Variants in MYO19 observed in about 807,000 individuals in gnomAD.
MYO19 encodes the protein myosin XIX.
MYO19 carries 132 observed loss-of-function variants against 129.2 expected under a neutral mutation model. The ratio of observed to expected loss-of-function variants is 1.02; its 90% confidence interval spans 0.89 to 1.18. MYO19 has a LOEUF of 1.18. Ranked by LOEUF, MYO19 falls within the 50% of genes most tolerant of loss-of-function variation. The pLI is 0.00. For synonymous variants in MYO19, 531 were observed against 477.2 expected, an observed-to-expected ratio of 1.11 and a Z score of -1.47; for missense variants, 1,210 against 1,216.7, an observed-to-expected ratio of 0.99 and a Z score of 0.08.
intron 15 of MYO19, 95 bp from the exon 16 acceptor site, chr17:36,507,607 C>A (rs879852673): frequency 2.9e-6 from 4 of 1,391,542 alleles, no homozygotes; most frequent in Non-Finnish European, 4.0e-6. Context: ...CAGCGTATTC[C>A]AGAACAGCAT....
intron 18 of MYO19, among the ~76,000 whole-genome samples, chr17:36,505,912 G>A (rs2071851545): frequency 6.6e-6 from 1 of 152,116 alleles, no homozygotes; most frequent in African/African-American, 2.4e-5. Flanking sequence ...AATCAAACCT[G>A]GTTTTCCAGG....
intron 16 of MYO19, 35 bp from the exon 17 acceptor site, chr17:36,507,174 T>C (rs2071967266): frequency 1.3e-6 from 2 of 1,580,676 alleles, no homozygotes; most frequent in South Asian, 2.3e-5. Context: ...GCCACCAACA[T>C]GAGAGTGTCT....
chr17:36,514,634 T>A, intron 8 of MYO19, 86 bp from the exon 9 acceptor site: 2 of 882,632 alleles, frequency 2.3e-6, no homozygotes, highest in Non-Finnish European at 3.7e-6. Context: ...GATTGCCTGC[T>A]ACCTGGCAAC....
chr17:36,509,011 G>T, intron 14 of MYO19, 51 bp downstream of exon 14: 1 of 1,529,880 alleles, frequency 6.5e-7, no homozygotes, highest in Non-Finnish European at 9.0e-7. Context: ...TCCATCCAGG[G>T]CTTTATTGCT....
rs1288900318 is a variant in MYO19, at chr17:36,528,135, A to G, written c.80T>C (p.Phe27Ser). 6.2e-7 allele frequency: 1 copy of G among 1,613,148 alleles called. No homozygotes were observed. Among genetic ancestry groups the G allele is most frequent in the East Asian group, 2.2e-5 (1 of 44,866 alleles). ...REYLREDLQE[F>S]LGGEVLLYKL... is the part of the protein sequence containing the mutation. ...GTACAGCAGGACCTCCCCACCCAGG[A>G]ACTCCTGCAGGTCTTCTCTGAGGTA... Residue 27 changes from phenylalanine (F) to serine (S), a missense_variant, in exon 4 of 26, where the codon TTC becomes TCC. Physicochemically the swap from Phe to Ser is radical, Grantham distance 155. Coordinates refer to ENST00000614623, the MANE Select transcript of MYO19 (RefSeq NM_001163735.2).
chr17:36,507,426 G>A lies in MYO19; in HGVS notation c.1440C>T (p.Pro480=), dbSNP rs768074735. ...QPCLDLIEGS[P]ISICSLINEE... is the part of the protein sequence containing the mutation. ...CATTTATGAGGGAGCAGATGCTGAT[G>A]GGGCTTCCCTCAATGAGATCCAAAC... The change falls in exon 16 of 26, where the codon CCC becomes CCT. Residue 480 remains proline, a synonymous_variant. Coordinates refer to ENST00000614623, the MANE Select transcript of MYO19 (RefSeq NM_001163735.2). 1.2e-6 allele frequency: 2 copies of A among 1,613,618 alleles called. No individual in the cohort carries two copies. The highest frequency in any genetic ancestry group is 1.7e-6 in the Non-Finnish European group (2 of 1,179,848).
chr17:36,525,154 C>T, intron 6 of MYO19, 74 bp downstream of exon 6: 1 of 1,122,356 alleles, frequency 8.9e-7, no homozygotes, highest in Non-Finnish European at 1.3e-6. Context: ...ACAAGGAAGG[C>T]CAAGGAATGA....
chr17:36,515,072 A>T, intron 8 of MYO19, 41 bp downstream of exon 8: 2 of 1,567,666 alleles, frequency 1.3e-6, no homozygotes, highest in Non-Finnish European at 1.7e-6. Flanking sequence ...CAACCTCCCC[A>T]GTCCCATCCT....
chr17:36,517,313 G>C (rs141607180), intron 6 of MYO19, among the ~76,000 whole-genome samples: 16 of 152,300 alleles, frequency 1.1e-4, no homozygotes, highest in African/African-American at 3.6e-4. Flanking sequence ...AGGATGGAGT[G>C]CAGTGGCACG....
At chr17:36,514,282 T>C (rs907900437) in intron 9 of MYO19, among the ~76,000 whole-genome samples, 164 bp downstream of exon 9, 1 of 152,160 alleles carries the variant, frequency 6.6e-6, no homozygotes, top group African/African-American at 2.4e-5. Flanking sequence ...AGGCGCAGTG[T>C]GAGGCAGAAG....
chr17:36,538,547 C>A, upstream of MYO19: 1 of 1,613,736 alleles, frequency 6.2e-7, no homozygotes, highest in South Asian at 1.1e-5. Context: ...TGGTCAATCT[C>A]TATATGTTTT....
intron 6 of MYO19, 23 bp from the exon 7 acceptor site, chr17:36,516,013 G>GGAGCTGTATCTATGCTCCCGCCACA: frequency 1.9e-6 from 3 of 1,597,676 alleles, no homozygotes; most frequent in Non-Finnish European, 2.6e-6. Context: ...CAGCCCTGTG[G>GGAGCTGTATCTATGCTCCCGCCACA]GAGCTGTATC....
chr17:36,537,126 G>A (rs1294503990), upstream of MYO19: 3 of 1,597,894 alleles, frequency 1.9e-6, no homozygotes, highest in South Asian at 1.1e-5. Context: ...GATGAAGGAA[G>A]CTTTTGTCAG....
intron 16 of MYO19, 23 bp downstream of exon 16, chr17:36,507,376 G>C (rs766565154): frequency 6.2e-7 from 1 of 1,600,738 alleles, no homozygotes; most frequent in East Asian, 2.2e-5. Flanking sequence ...TCTGGTGCTC[G>C]GCTCATTAGC....
At position 36,509,146 on chromosome 17, in the gene MYO19, A is replaced by T. The variant is rs1478388154; in HGVS notation, c.1158-11T>A. 6.2e-7 allele frequency: 1 copy of T among 1,613,242 alleles called. No individual in the cohort carries two copies. Among genetic ancestry groups the T allele is most frequent in the Non-Finnish European group, 8.5e-7 (1 of 1,179,520 alleles). ...AGCCAGTCAAACAACCTGTTGGGGGAAGAGAGTGGACTCTGGTAAGAGGGT... is the reference window on the plus strand; with the variant it reads ...AGCCAGTCAAACAACCTGTTGGGGGTAGAGAGTGGACTCTGGTAAGAGGGT... On this transcript the variant is annotated splice_polypyrimidine_tract_variant and intron_variant, in intron 13 of 25. Coordinates refer to ENST00000614623, the MANE Select transcript of MYO19 (RefSeq NM_001163735.2).
At chr17:36,532,789 C>T in intron 2 of MYO19, 108 bp from the exon 3 acceptor site, 1 of 586,308 alleles carries the variant, frequency 1.7e-6, no homozygotes, top group Non-Finnish European at 3.0e-6. Context: ...AGATGCAAGG[C>T]AGGCCTGGGC....
chr17:36,516,338 C>T (rs1390601453), intron 6 of MYO19, among the ~76,000 whole-genome samples: 1 of 152,176 alleles, frequency 6.6e-6, no homozygotes, highest in African/African-American at 2.4e-5. Flanking sequence ...CATGCATCTA[C>T]TCAATGACAG....
At chr17:36,524,368 A>G (rs981325713) in intron 6 of MYO19, among the ~76,000 whole-genome samples, 12 of 152,234 alleles carry the variant, frequency 7.9e-5, no homozygotes, top group African/African-American at 2.9e-4. Context: ...AGTGTTCAGC[A>G]ATTCTCATAT....
rs1182458832 is a variant in MYO19 at position 36,507,044 on chromosome 17, G to A, written c.1563C>T (p.Leu521=). The A allele has an allele frequency of 6.2e-7, 1 of 1,613,700 alleles. No individual in the cohort carries two copies. Among genetic ancestry groups the A allele is most frequent in the Non-Finnish European group, 8.5e-7 (1 of 1,179,704 alleles). The change falls in exon 17 of 26, where the codon CTC becomes CTT. Residue 521 remains leucine (L), a synonymous_variant. Coordinates refer to ENST00000614623, the MANE Select transcript of MYO19 (RefSeq NM_001163735.2). The part of the protein sequence containing the change: ...AGSPCLGHNK[L]SREPSFIVVH... ...CCACAATGAAGCTGGGCTCCCGGCT[G>A]AGCTTATTGTGGCCCAGGCAGGGGC...
Sources: allele counts gnomAD v4.1 joint callset (sites outside exome capture counted in the v4.1 genomes callset), GRCh38; gene constraint gnomAD v4.1.1; transcripts MANE v1.5; gene names NCBI Gene and HGNC (gene_info 2026-07-23, HGNC 2026-07-21).